PDSS2: variants seen among roughly 807,000 people sequenced by gnomAD.
PDSS2 encodes all trans-polyprenyl-diphosphate synthase PDSS2.
PDSS2 carries 31 observed loss-of-function variants against 44.5 expected under a neutral mutation model. The observed-to-expected ratio is 0.70, with a 90% CI of 0.52 to 0.94. The LOEUF (loss-of-function observed/expected upper bound fraction) is 0.94, where lower values mean the gene tolerates loss of function less well. PDSS2 is among the 40% of genes least tolerant of loss of function. The probability of loss-of-function intolerance (pLI) is 0.00; values close to 1 mark genes in which losing one functional copy is unlikely to be tolerated. For missense variants in PDSS2, 452 were observed against 482.2 expected (o/e 0.94, Z 0.59); for synonymous variants, 157 against 180.3 (o/e 0.87, Z 1.03).
At chr6:107,242,437 T>A (rs1774470258) in intron 4 of PDSS2, among the ~76,000 whole-genome samples, 1 of 152,104 alleles carries the variant, frequency 6.6e-6, no homozygotes, top group South Asian at 2.1e-4. Flanking sequence ...CTAATTTTTT[T>A]ATATTTTTAG....
At chr6:107,220,860 T>A (rs537679969) in intron 4 of PDSS2, among the ~76,000 whole-genome samples, 1 of 152,230 alleles carries the variant, frequency 6.6e-6, no homozygotes, top group South Asian at 2.1e-4. Flanking sequence ...TGAAACAAAA[T>A]CCCTCATTTC....
At chr6:107,391,030 T>C (rs966841293) in intron 1 of PDSS2, among the ~76,000 whole-genome samples, 1 of 151,364 alleles carries the variant, frequency 6.6e-6, no homozygotes. Flanking sequence ...TAAGGTTCCT[T>C]GAACTGATGG....
At chr6:107,351,864 T>C (rs1778444150) in intron 1 of PDSS2, among the ~76,000 whole-genome samples, 1 of 152,174 alleles carries the variant, frequency 6.6e-6, no homozygotes. Flanking sequence ...CCAAATAGCA[T>C]TAACACAGCC....
At chr6:107,414,633 CCTT>C (rs1442707531) in intron 1 of PDSS2, among the ~76,000 whole-genome samples, 2 of 152,358 alleles carry the variant, frequency 1.3e-5, no homozygotes, top group South Asian at 4.1e-4. Flanking sequence ...ACCCTTCTCT[CCTT>C]CTCTCAATCT....
chr6:107,390,454 AAAAG>A (rs1255300954), intron 1 of PDSS2, among the ~76,000 whole-genome samples: 9 of 152,158 alleles, frequency 5.9e-5, no homozygotes, highest in South Asian at 2.1e-4. Context: ...AAAGTCATGA[AAAAG>A]AAAGAAAGAC....
chr6:107,455,975 A>G (rs969709467), intron 1 of PDSS2, among the ~76,000 whole-genome samples: 1 of 152,204 alleles, frequency 6.6e-6, no homozygotes, highest in Non-Finnish European at 1.5e-5. Context: ...AAACATATTT[A>G]TAACAGCATT....
At chr6:107,235,054 T>C (rs893996111) in intron 4 of PDSS2, among the ~76,000 whole-genome samples, 4 of 151,926 alleles carry the variant, frequency 2.6e-5, no homozygotes, top group Non-Finnish European at 5.9e-5. Context: ...ACCCAAGAAA[T>C]GGGAAATAAA....
intron 1 of PDSS2, among the ~76,000 whole-genome samples, chr6:107,351,393 G>T (rs1295241260): frequency 6.6e-6 from 1 of 152,160 alleles, no homozygotes; most frequent in Non-Finnish European, 1.5e-5. Context: ...AGGATCAGGT[G>T]AATATTTAAT....
chr6:107,362,726 A>T (rs937052190), intron 1 of PDSS2, among the ~76,000 whole-genome samples: 4 of 152,230 alleles, frequency 2.6e-5, no homozygotes, highest in Non-Finnish European at 5.9e-5. Flanking sequence ...TTATAAGCAA[A>T]GGGTTCAAAA....
At chr6:107,287,403 T>C (rs912753399) in intron 2 of PDSS2, among the ~76,000 whole-genome samples, 4 of 152,178 alleles carry the variant, frequency 2.6e-5, no homozygotes, top group Non-Finnish European at 4.4e-5. Context: ...GTTGGTACAA[T>C]CACTTAGAAA....
At chr6:107,435,294 ACACACAC>A (rs1434596118) in intron 1 of PDSS2, among the ~76,000 whole-genome samples, 9 of 107,002 alleles carry the variant, frequency 8.4e-5, no homozygotes, top group African/African-American at 4.8e-4. Context: ...ACACACACAC[ACACACAC>A]ACACACACAC....
At chr6:107,311,004 G>A (rs539864073) in intron 2 of PDSS2, among the ~76,000 whole-genome samples, 4 of 148,954 alleles carry the variant, frequency 2.7e-5, no homozygotes, top group South Asian at 2.1e-4. Context: ...TGCAACCTCC[G>A]CCTCCTGGGT....
chr6:107,273,572 ATAT>A (rs887919206), intron 3 of PDSS2, among the ~76,000 whole-genome samples: 3 of 152,168 alleles, frequency 2.0e-5, no homozygotes, highest in Admixed American at 2.0e-4. Context: ...TCGCATCATA[ATAT>A]TATGTAAGAA....
In PDSS2 at chr6:107,225,162, T is replaced by TATATATATATATATATA. The variant is rs1491560664; in HGVS notation, c.703-12881_703-12880insTATATATATATATATAT. ...TTATATATATATATATATATATATATTTTTTTTTTTTTTTTTTTTTTTTTT... is the reference window on the plus strand; with the variant it reads ...TTATATATATATATATATATATATATATATATATATATATATATTTTTTTTTTTTTTTTTTTTTTTTT... On this transcript the variant is annotated intron_variant, in intron 4 of 7. Transcript: ENST00000369037. Among the ~76,000 whole-genome samples the TATATATATATATATATA allele has an allele frequency of 1.0e-3, 32 of 31,384 alleles. 2 individuals are homozygous for TATATATATATATATATA. The highest frequency in any genetic ancestry group is 4.6e-3 in the African/African-American group (30 of 6,570). 20.6% of individuals were successfully genotyped at this position (31,384 alleles called of 152,430 possible).
In PDSS2 at chr6:107,270,348, G is replaced by A. The variant is rs7742559; in HGVS notation, c.630+3681C>T. On this transcript the variant is annotated intron_variant, in intron 3 of 7. Transcript: ENST00000369037. ...GCTGGTCTCGAACTCCTGACCTCAG[G>A]TGATTCACTCGCCTCAGCCTCCGAA... is the stretch of plus-strand genomic sequence containing the variant. Among the ~76,000 whole-genome samples, 398 of 151,956 alleles carry A rather than the reference G, an allele frequency of 2.6e-3. 2 individuals are homozygous for A. Among genetic ancestry groups the A allele is most frequent in the African/African-American group, 8.6e-3 (356 of 41,422 alleles).
chr6:107,344,369 G>A (rs1253381633), intron 1 of PDSS2, among the ~76,000 whole-genome samples: 1 of 151,726 alleles, frequency 6.6e-6, no homozygotes, highest in Non-Finnish European at 1.5e-5. Context: ...TAATTTCCAT[G>A]GAAAAAATGA....
intron 1 of PDSS2, among the ~76,000 whole-genome samples, chr6:107,373,988 T>C (rs181176319): frequency 6.6e-6 from 1 of 152,294 alleles, no homozygotes; most frequent in East Asian, 1.9e-4. Flanking sequence ...GGTGTGGTGC[T>C]CACGCCTGTA....
intron 1 of PDSS2, among the ~76,000 whole-genome samples, chr6:107,345,883 C>T (rs1040046461): frequency 3.3e-5 from 5 of 152,136 alleles, no homozygotes; most frequent in African/African-American, 1.2e-4. Flanking sequence ...TGGCGGGACA[C>T]ACATTTCATG....
intron 4 of PDSS2, among the ~76,000 whole-genome samples, chr6:107,224,158 A>G (rs934173916): frequency 1.3e-5 from 2 of 151,364 alleles, no homozygotes; most frequent in African/African-American, 4.9e-5. Flanking sequence ...GGGATTGAGA[A>G]GCAACAACAA....
Sources: gnomAD v4.1 joint callset for allele counts (sites outside exome capture counted in the v4.1 genomes callset) on GRCh38, gnomAD v4.1.1 for gene constraint, MANE v1.5 for transcripts, NCBI Gene and HGNC (gene_info 2026-07-23, HGNC 2026-07-21) for gene names.